The following MYORG variants were observed in gnomAD, a reference collection of about 807,000 sequenced individuals.
MYORG encodes myogenesis regulating glycosidase, also known as alpha-galactosidase MYORG.
In MYORG, 45 loss-of-function variants were observed where a neutral mutation model predicts 49.8. That is an observed-to-expected ratio of 0.90 (90% CI 0.71 to 1.16). The LOEUF (loss-of-function observed/expected upper bound fraction) is 1.16, where lower values mean the gene tolerates loss of function less well. MYORG is among the 50% of genes most tolerant of loss of function. The pLI is 0.00. For synonymous variants in MYORG, 552 were observed against 462.9 expected (o/e 1.19, Z -2.47); for missense variants, 1,110 against 1,026.5 (o/e 1.08, Z -1.11).
chr9:34,371,291 G>A lies in MYORG; in HGVS notation c.1653C>T (p.Pro551=). ...VSMLGYPFIL[P]DMVGGNAVPQ... ...GCACGGCGTTGCCGCCCACCATATCGGGTAGGATGAATGGGTAGCCCAGCA... is the reference window on the plus strand; with the variant it reads ...GCACGGCGTTGCCGCCCACCATATCAGGTAGGATGAATGGGTAGCCCAGCA... Residue 551 remains proline (P), a synonymous_variant, in exon 2 of 2, where the codon CCC becomes CCT. Coordinates refer to ENST00000297625, the MANE Select transcript of MYORG (RefSeq NM_020702.5). 6.2e-7 allele frequency: 1 copy of A among 1,611,272 alleles called. No individual in the cohort carries two copies. The highest frequency in any genetic ancestry group is 8.5e-7 in the Non-Finnish European group (1 of 1,179,096).
rs1383257999 is a variant in MYORG at position 34,372,040 on chromosome 9, T to C, written c.904A>G (p.Asn302Asp). ...IHKYMVRRYF[N>D]KPSRVPAPEA... ...GGTGCTGGCACCCTTGACGGCTTGT[T>C]GAAGTAGCGACGCACCATGTACTTG... The change falls in exon 2 of 2, where the codon AAC (asparagine) becomes GAC (aspartate). Residue 302 changes from asparagine (N) to aspartate (D), a missense_variant. By Grantham distance (23) the Asn-to-Asp change is conservative (BLOSUM62 1). Transcript: ENST00000297625. The C allele has an allele frequency of 1.2e-6, 2 of 1,613,768 alleles. No individual in the cohort carries two copies. The highest frequency in any genetic ancestry group is 1.7e-6 in the Non-Finnish European group (2 of 1,179,868).
In MYORG at chr9:34,372,877, A is replaced by C; in HGVS notation, c.67T>G (p.Tyr23Asp). Residue 23 changes from tyrosine (Y) to aspartate (D), a missense_variant, in exon 2 of 2, where the codon TAC becomes GAC. Physicochemically the swap from Tyr to Asp is radical, Grantham distance 160. Transcript: ENST00000297625. ...GCGATGGCCTCGGGGTTCTGACGGTATGCGTAGCAGCCAGGCCGGCGGCGG... is the reference window on the plus strand; with the variant it reads ...GCGATGGCCTCGGGGTTCTGACGGTCTGCGTAGCAGCCAGGCCGGCGGCGG... Reference protein sequence around the residue: ...PRRRRPGCYAYRQNPEAIAAA... With the variant: ...PRRRRPGCYADRQNPEAIAAA... 6.2e-7 allele frequency: 1 copy of C among 1,613,964 alleles called. No homozygotes were observed. The highest frequency in any genetic ancestry group is 8.5e-7 in the Non-Finnish European group (1 of 1,179,888).
Position 34,371,789 on chromosome 9 carries a change from G to C in MYORG, c.1155C>G (p.Phe385Leu), listed in dbSNP as rs1820606859. ...DMFRRLRDAG[F>L]RVTLWVHPFV... ...AAGGGTGCACCCAGAGCGTGACGCGGAAGCCGGCGTCGCGCAGGCGGCGGA... is the reference window on the plus strand; with the variant it reads ...AAGGGTGCACCCAGAGCGTGACGCGCAAGCCGGCGTCGCGCAGGCGGCGGA... The change falls in exon 2 of 2, where the codon TTC (phenylalanine) becomes TTG (leucine). Residue 385 changes from phenylalanine (F) to leucine (L), a missense_variant. Coordinates refer to ENST00000297625, the MANE Select transcript of MYORG (RefSeq NM_020702.5). 1 of 1,613,944 alleles carries C rather than the reference G, an allele frequency of 6.2e-7. No individual in the cohort carries two copies. The highest frequency in any genetic ancestry group is 1.1e-5 in the South Asian group (1 of 91,082).
At chr9:34,373,373 G>C (rs1484144867) in intron 1 of MYORG, among the ~76,000 whole-genome samples, 1 of 152,142 alleles carries the variant, frequency 6.6e-6, no homozygotes. Flanking sequence ...CTGAAGAGAC[G>C]GGAAAGGAAC....
Position 34,371,825 on chromosome 9 carries a change from G to A in MYORG, c.1119C>T (p.Ala373=), listed in dbSNP as rs767287490. 10 of 1,614,062 alleles carry A rather than the reference G, an allele frequency of 6.2e-6. No individual in the cohort carries two copies. The highest frequency in any genetic ancestry group is 1.7e-5 in the Admixed American group (1 of 60,032). The change falls in exon 2 of 2, where the codon GCC becomes GCT. Residue 373 remains alanine (A), a synonymous_variant. Coordinates refer to ENST00000297625, the MANE Select transcript of MYORG (RefSeq NM_020702.5). ...FDFDEVKFPN[A]SDMFRRLRDA... The stretch of plus-strand genomic sequence containing the variant: ...CGCGCAGGCGGCGGAACATGTCGCT[G>A]GCGTTGGGGAATTTGACCTCATCGA...
rs371063506 is a variant in MYORG, at chr9:34,371,492, G to T, written c.1452C>A (p.Ser484Arg). The change falls in exon 2 of 2, where the codon AGC (serine) becomes AGA (arginine). Residue 484 changes from serine (S) to arginine (R), a missense_variant. By Grantham distance (110) the Ser-to-Arg change is moderately radical. Coordinates refer to ENST00000297625, the MANE Select transcript of MYORG (RefSeq NM_020702.5). ...FSTYRPLPDP[S>R]VWSRRYTEMA... The stretch of plus-strand genomic sequence containing the variant: ...TCTCAGTGTAGCGCCGGCTCCAGAC[G>T]CTGGGGTCCGGCAGCGGCCGGTAGG... 1 of 1,611,394 alleles carries T rather than the reference G, an allele frequency of 6.2e-7. No homozygotes were observed. The highest frequency in any genetic ancestry group is 1.1e-5 in the South Asian group (1 of 91,052).
rs886121712 is a variant in MYORG, at chr9:34,370,563, G to A, written c.*236C>T. On this transcript the variant is annotated 3_prime_UTR_variant, in exon 2 of 2. Transcript: ENST00000297625. ...GGAAGAGGTTTCTGCAGATTGGTGT[G>A]AGTGTGGGGGTGGAAAGGGCACAGT... 2 of 611,250 alleles carry A rather than the reference G, an allele frequency of 3.3e-6. No individual in the cohort carries two copies. The highest frequency in any genetic ancestry group is 3.7e-5 in the African/African-American group (2 of 54,674). The allele number at this position is 611,250 out of a possible 1,614,324, so 37.9% of individuals were successfully genotyped here. A position where few individuals can be genotyped will look rare whatever the true frequency, so the allele number is the denominator to read the frequency against.
rs1271477810 is a variant in MYORG at position 34,369,481 on chromosome 9, G to C, written c.*1318C>G. On this transcript the variant is annotated 3_prime_UTR_variant, in exon 2 of 2. Coordinates refer to ENST00000297625, the MANE Select transcript of MYORG (RefSeq NM_020702.5). Reference sequence around the variant, plus strand: ...GTGCATCACTAGGTCAGGAGTTTGAGACTAGCCTGGCCAACATGGTAAACC... The same window carrying C: ...GTGCATCACTAGGTCAGGAGTTTGACACTAGCCTGGCCAACATGGTAAACC... 1.3e-5 allele frequency: 2 copies of C among 152,158 alleles called. No homozygotes were observed. Among genetic ancestry groups the C allele is most frequent in the Admixed American group, 6.5e-5 (1 of 15,278 alleles). 9.4% of individuals were successfully genotyped at this position (152,158 alleles called of 1,614,324 possible).
In MYORG at chr9:34,369,062, C is replaced by G. The variant is rs1402164605; in HGVS notation, c.*1737G>C. On this transcript the variant is annotated 3_prime_UTR_variant, in exon 2 of 2. Transcript: ENST00000297625. ...GAAACCTCTTATAAAATCATCAGCTCTCATGAGATCTATTCACTATCACCA... is the reference window on the plus strand; with the variant it reads ...GAAACCTCTTATAAAATCATCAGCTGTCATGAGATCTATTCACTATCACCA... 2.0e-5 allele frequency: 3 copies of G among 152,160 alleles called. No homozygotes were observed. Among genetic ancestry groups the G allele is most frequent in the South Asian group, 2.1e-4 (1 of 4,824 alleles). The allele number at this position is 152,160 out of a possible 1,614,324, so 9.4% of individuals were successfully genotyped here.
At position 34,372,160 on chromosome 9, in the gene MYORG, A is replaced by G. The variant is rs991948393; in HGVS notation, c.784T>C (p.Tyr262His). The stretch of plus-strand genomic sequence containing the variant: ...GGTGGCTTGTAGGGCGTGTCGTGGT[A>G]GCGCGCCTGAAGCCGCAGCGAGCGC... ...TERSLRLQAR[Y>H]HDTPYKPPAG... Residue 262 changes from tyrosine to histidine, a missense_variant, in exon 2 of 2, where the codon TAC (tyrosine) becomes CAC (histidine). Transcript: ENST00000297625. 2 of 1,610,998 alleles carry G rather than the reference A, an allele frequency of 1.2e-6. No homozygotes were observed. The highest frequency in any genetic ancestry group is 1.7e-6 in the Non-Finnish European group (2 of 1,179,360).
At position 34,372,291 on chromosome 9, in the gene MYORG, T is replaced by C; in HGVS notation, c.653A>G (p.Asp218Gly). The change falls in exon 2 of 2, where the codon GAC becomes GGC. Residue 218 changes from aspartate to glycine, a missense_variant. Transcript: ENST00000297625. Reference sequence around the variant, plus strand: ...CTCGAGGATGCCCCCAAACGCGGCGTCGGAGGAGTAGACATCGCTGGTGAC... The same window carrying C: ...CTCGAGGATGCCCCCAAACGCGGCGCCGGAGGAGTAGACATCGCTGGTGAC... ...PFVTSDVYSS[D>G]AAFGGILERY... is the part of the protein sequence containing the mutation. 2 of 1,610,372 alleles carry C rather than the reference T, an allele frequency of 1.2e-6. No individual in the cohort carries two copies. Among genetic ancestry groups the C allele is most frequent in the South Asian group, 1.1e-5 (1 of 90,586 alleles).
chr9:34,368,601 A>C lies in MYORG; in HGVS notation c.*2198T>G, dbSNP rs2131874927. ...AGTCTCTTTGCTAAAATATAGCAAG[A>C]GTCACCTTTACTCCAGTACCAAACA... On this transcript the variant is annotated 3_prime_UTR_variant, in exon 2 of 2. Transcript: ENST00000297625. 6.6e-6 allele frequency: 1 copy of C among 152,370 alleles called. No individual in the cohort carries two copies. The highest frequency in any genetic ancestry group is 1.9e-4 in the East Asian group (1 of 5,188). 9.4% of individuals were successfully genotyped at this position (152,370 alleles called of 1,614,324 possible).
In MYORG at chr9:34,367,981, T is replaced by A. The variant is rs1820525778; in HGVS notation, c.*2818A>T. ...TGGACATACATGCATTTCCATACAT[T>A]CTCTGAAATCTAGGCAGAGGTTCCC... On this transcript the variant is annotated 3_prime_UTR_variant, in exon 2 of 2. Coordinates refer to ENST00000297625, the MANE Select transcript of MYORG (RefSeq NM_020702.5). 1 of 152,194 alleles carries A rather than the reference T, an allele frequency of 6.6e-6. No individual in the cohort carries two copies. The highest frequency in any genetic ancestry group is 2.1e-4 in the South Asian group (1 of 4,834). The allele number at this position is 152,194 out of a possible 1,614,324, so 9.4% of individuals were successfully genotyped here. A position where few individuals can be genotyped will look rare whatever the true frequency, so the allele number is the denominator to read the frequency against.
rs953415757 is a variant in MYORG, at chr9:34,367,995, G to A, written c.*2804C>T. The A allele has an allele frequency of 6.6e-6, 1 of 152,220 alleles. No individual in the cohort carries two copies. The highest frequency in any genetic ancestry group is 1.5e-5 in the Non-Finnish European group (1 of 68,032). 9.4% of individuals were successfully genotyped at this position (152,220 alleles called of 1,614,324 possible). The stretch of plus-strand genomic sequence containing the variant: ...TTTCCATACATTCTCTGAAATCTAG[G>A]CAGAGGTTCCCAAACCTCAGTTCTT... On this transcript the variant is annotated 3_prime_UTR_variant, in exon 2 of 2. Coordinates refer to ENST00000297625, the MANE Select transcript of MYORG (RefSeq NM_020702.5).
Position 34,376,804 on chromosome 9 carries a change from A to G in MYORG, c.-75T>C, listed in dbSNP as rs1820727104. The G allele has an allele frequency of 6.6e-6, 1 of 151,922 alleles. No homozygotes were observed. Among genetic ancestry groups the G allele is most frequent in the Non-Finnish European group, 1.5e-5 (1 of 67,996 alleles). 9.4% of individuals were successfully genotyped at this position (151,922 alleles called of 1,614,324 possible). ...CCCGCTGGGCTCACCCATTGCAGTT[A>G]CAGCCCGGCAGAAGCGGGGGTGAAA... is the stretch of plus-strand genomic sequence containing the variant. On this transcript the variant is annotated 5_prime_UTR_variant, in exon 1 of 2. Coordinates refer to ENST00000297625, the MANE Select transcript of MYORG (RefSeq NM_020702.5). The surrounding 1 kb of genome is among the most constrained non-coding windows in gnomAD (Gnocchi z 4.4).
Position 34,370,697 on chromosome 9 carries a change from T to G in MYORG, c.*102A>C. On this transcript the variant is annotated 3_prime_UTR_variant, in exon 2 of 2. Transcript: ENST00000297625. ...GTCAGCAGCCACTTAATGGGTGGTA[T>G]AGAGGTGGGAGGTTCCTGGGAGTAC... The G allele has an allele frequency of 7.4e-7, 1 of 1,358,922 alleles. No homozygotes were observed. Among genetic ancestry groups the G allele is most frequent in the Non-Finnish European group, 9.5e-7 (1 of 1,053,006 alleles). The allele number at this position is 1,358,922 out of a possible 1,614,324, so 84.2% of individuals were successfully genotyped here.
chr9:34,371,014 C>T lies in MYORG; in HGVS notation c.1930G>A (p.Asp644Asn), dbSNP rs1820582301. Residue 644 changes from aspartate to asparagine, a missense_variant, in exon 2 of 2, where the codon GAC (aspartate) becomes AAC (asparagine). Physicochemically the swap from Asp to Asn is conservative, Grantham distance 23 (BLOSUM62 1). Transcript: ENST00000297625. ...GAGTCGATACGGTGAGCTGTCTCGTCGCCGGGCGCAATCCACCAAAGGGGG... is the reference window on the plus strand; with the variant it reads ...GAGTCGATACGGTGAGCTGTCTCGTTGCCGGGCGCAATCCACCAAAGGGGG... ...VRPLWWIAPG[D>N]ETAHRIDSQF... 6.2e-7 allele frequency: 1 copy of T among 1,613,268 alleles called. No homozygotes were observed.
rs1352720545 is a variant in MYORG at position 34,371,160 on chromosome 9, C to A, written c.1784G>T (p.Arg595Leu). 4 of 1,608,720 alleles carry A rather than the reference C, an allele frequency of 2.5e-6. No homozygotes were observed. Among genetic ancestry groups the A allele is most frequent in the Non-Finnish European group, 3.4e-6 (4 of 1,176,782 alleles). Residue 595 changes from arginine to leucine, a missense_variant, in exon 2 of 2, where the codon CGC becomes CTC. Coordinates refer to ENST00000297625, the MANE Select transcript of MYORG (RefSeq NM_020702.5). The part of the protein sequence containing the change: ...PAMQFSIPPW[R>L]YDAEVVAIAQ... ...GATGGCCACCACTTCCGCGTCGTAG[C>A]GCCAGGGCGGGATAGAGAACTGCAT...
chr9:34,372,696 C>A lies in MYORG; in HGVS notation c.248G>T (p.Arg83Leu), dbSNP rs750735700. 6.2e-7 allele frequency: 1 copy of A among 1,611,480 alleles called. No homozygotes were observed. The highest frequency in any genetic ancestry group is 1.1e-5 in the South Asian group (1 of 90,860). ...VAWCYYSVSL[R>L]KAERLRAELL... ...CTCCGCGCGAAGTCGCTCCGCCTTGCGTAGGGAGACGCTGTAGTAGCACCA... is the reference window on the plus strand; with the variant it reads ...CTCCGCGCGAAGTCGCTCCGCCTTGAGTAGGGAGACGCTGTAGTAGCACCA... The change falls in exon 2 of 2, where the codon CGC becomes CTC. Residue 83 changes from arginine to leucine, a missense_variant. Physicochemically the swap from Arg to Leu is moderately radical, Grantham distance 102. Transcript: ENST00000297625.
Sources: allele counts gnomAD v4.1 joint callset (sites outside exome capture counted in the v4.1 genomes callset), GRCh38; gene constraint gnomAD v4.1.1; non-coding constraint Gnocchi (gnomAD v3.1); transcripts MANE v1.5; gene names NCBI Gene and HGNC (gene_info 2026-07-23, HGNC 2026-07-21).